The following THEMIS variants were observed in gnomAD, a reference collection of about 807,000 sequenced individuals.
THEMIS encodes the protein protein THEMIS.
In THEMIS, 37 loss-of-function variants were observed where a neutral mutation model predicts 52.6. The observed-to-expected ratio is 0.70, with a 90% CI of 0.54 to 0.93. The LOEUF (loss-of-function observed/expected upper bound fraction) is 0.93. THEMIS is among the 40% of genes least tolerant of loss of function. The pLI is 0.00. For synonymous variants in THEMIS, 292 were observed against 272.7 expected (o/e 1.07, Z -0.70); for missense variants, 808 against 763.1 (o/e 1.06, Z -0.69).
chr6:127,904,420 C>T (rs1303007419), upstream of THEMIS, among the ~76,000 whole-genome samples: 1 of 151,964 alleles, frequency 6.6e-6, no homozygotes, highest in Non-Finnish European at 1.5e-5. Context: ...AAGGCTGCTT[C>T]CTAAGAGAAA....
intron 1 of THEMIS, among the ~76,000 whole-genome samples, chr6:127,867,935 C>A (rs1466084040): frequency 6.6e-6 from 1 of 152,022 alleles, no homozygotes; most frequent in Non-Finnish European, 1.5e-5. Context: ...CACACACACA[C>A]ACACACACAA....
chr6:127,899,263 A>G (rs752278714), intron 1 of THEMIS, among the ~76,000 whole-genome samples: 1 of 151,884 alleles, frequency 6.6e-6, no homozygotes, highest in Non-Finnish European at 1.5e-5. Context: ...CTATAAAAAC[A>G]TTTTTAAAGT....
At chr6:127,903,692 C>T (rs1242327971), upstream of THEMIS, among the ~76,000 whole-genome samples, 1 of 150,776 alleles carries the variant, frequency 6.6e-6, no homozygotes, top group African/African-American at 2.4e-5. Flanking sequence ...TGACAACTAA[C>T]TTATGAAATA....
Position 127,734,793 on chromosome 6 carries a change from C to T in THEMIS, c.1759-14970G>A, listed in dbSNP as rs1047594564. ...CTGAGGCAGGAGAATCGCTTGAACC[C>T]GAGAGGCTGAGGTTGCAATGAGCCG... On this transcript the variant is annotated intron_variant, in intron 4 of 5. Coordinates refer to ENST00000368248, the MANE Select transcript of THEMIS (RefSeq NM_001010923.3). Among the ~76,000 whole-genome samples the T allele has an allele frequency of 4.9e-5, 7 of 142,966 alleles. No homozygotes were observed. In the East Asian group the frequency reaches 1.3e-3, roughly 26 times the overall value. 93.8% of individuals were successfully genotyped at this position (142,966 alleles called of 152,430 possible).
downstream of THEMIS, among the ~76,000 whole-genome samples, chr6:127,707,042 G>A (rs1020349174): frequency 6.6e-6 from 1 of 152,064 alleles, no homozygotes; most frequent in Non-Finnish European, 1.5e-5. Context: ...AAGCAAACAC[G>A]TCCTTCTTCA....
chr6:127,701,330 G>A, the THEMIS span, among the ~76,000 whole-genome samples: 26 of 151,862 alleles, frequency 1.7e-4, no homozygotes, highest in South Asian at 5.2e-3. Flanking sequence ...TATGATTCTG[G>A]TTTTCAAAAA....
At chr6:127,743,622 G>A (rs1417565137) in intron 4 of THEMIS, among the ~76,000 whole-genome samples, 1 of 152,096 alleles carries the variant, frequency 6.6e-6, no homozygotes, top group African/African-American at 2.4e-5. Context: ...TTTGCAGGCA[G>A]ATGCTGAATT....
At chr6:127,887,333 A>G (rs1239004998) in intron 1 of THEMIS, among the ~76,000 whole-genome samples, 2 of 152,142 alleles carry the variant, frequency 1.3e-5, no homozygotes, top group Non-Finnish European at 2.9e-5. Flanking sequence ...ATGAGATACC[A>G]CTGGCTATAA....
intron 4 of THEMIS, among the ~76,000 whole-genome samples, chr6:127,762,838 C>T (rs1015820887): frequency 6.6e-6 from 1 of 151,926 alleles, no homozygotes; most frequent in Non-Finnish European, 1.5e-5. Context: ...GCTTTTGCTG[C>T]CATTGTTCTA....
intron 3 of THEMIS, among the ~76,000 whole-genome samples, chr6:127,826,144 G>A (rs1163685253): frequency 6.6e-6 from 1 of 152,112 alleles, no homozygotes; most frequent in Non-Finnish European, 1.5e-5. Flanking sequence ...ATTTAGATAT[G>A]TGCCAGAAAG....
At chr6:127,915,807 C>T (rs111737604) in intron 1 of THEMIS, among the ~76,000 whole-genome samples, 2,673 of 151,816 alleles carry the variant, frequency 0.018, 86 homozygotes, top group African/African-American at 0.061. Flanking sequence ...CCCAACATGA[C>T]GAAACCCCGT....
intron 3 of THEMIS, among the ~76,000 whole-genome samples, chr6:127,820,467 G>T (rs1460951564): frequency 6.6e-6 from 1 of 152,078 alleles, no homozygotes; most frequent in African/African-American, 2.4e-5. Flanking sequence ...CACAGGGACT[G>T]GACAGGAGAC....
Position 127,882,806 on chromosome 6 carries a change from T to C in THEMIS, c.91+18036A>G, listed in dbSNP as rs576219899. ...AATACATGCGAGTAGAATACAATACTGTGATTTTCAAATTTGCCCTGATTT... is the reference window on the plus strand; with the variant it reads ...AATACATGCGAGTAGAATACAATACCGTGATTTTCAAATTTGCCCTGATTT... On this transcript the variant is annotated intron_variant, in intron 1 of 5. Transcript: ENST00000368248. Among the ~76,000 whole-genome samples, 120 of 152,052 alleles carry C rather than the reference T, an allele frequency of 7.9e-4. 1 individual carries two copies. Among genetic ancestry groups the C allele is most frequent in the African/African-American group, 2.8e-3 (115 of 41,560 alleles).
chr6:127,903,324 T>C (rs1781191429), upstream of THEMIS, among the ~76,000 whole-genome samples: 1 of 151,990 alleles, frequency 6.6e-6, no homozygotes, highest in African/African-American at 2.4e-5. Context: ...CAAGAGTACT[T>C]GAATCATCAA....
intron 4 of THEMIS, among the ~76,000 whole-genome samples, chr6:127,810,187 T>C (rs756999694): frequency 6.6e-6 from 1 of 152,070 alleles, no homozygotes; most frequent in Non-Finnish European, 1.5e-5. Context: ...GGACAATTTT[T>C]AAAAATTTTA....
At chr6:127,715,858 G>A (rs1185074481) in intron 5 of THEMIS, among the ~76,000 whole-genome samples, 1 of 151,696 alleles carries the variant, frequency 6.6e-6, no homozygotes, top group African/African-American at 2.4e-5. Flanking sequence ...GAACTGACAG[G>A]GCATACAGAT....
chr6:127,794,247 C>G (rs9491873), intron 4 of THEMIS, among the ~76,000 whole-genome samples: 1 of 152,198 alleles, frequency 6.6e-6, no homozygotes, highest in Admixed American at 6.5e-5. Flanking sequence ...ACTGGACTTT[C>G]TGTTTCCATT....
intron 4 of THEMIS, among the ~76,000 whole-genome samples, chr6:127,743,392 A>G (rs1011697918): frequency 1.3e-5 from 2 of 152,162 alleles, no homozygotes; most frequent in African/African-American, 4.8e-5. Flanking sequence ...AGAAATTTAC[A>G]GATGTGAATG....
intron 4 of THEMIS, among the ~76,000 whole-genome samples, chr6:127,752,942 C>T (rs528637758): frequency 2.0e-5 from 3 of 151,740 alleles, no homozygotes; most frequent in Non-Finnish European, 4.4e-5. Context: ...AAACCGAATT[C>T]AATAACATAT....
Sources: allele counts gnomAD v4.1 joint callset (sites outside exome capture counted in the v4.1 genomes callset), GRCh38; gene constraint gnomAD v4.1.1; transcripts MANE v1.5; gene names NCBI Gene and HGNC (gene_info 2026-07-23, HGNC 2026-07-21).